Variants in NELL1 observed in about 807,000 individuals in gnomAD.
The protein encoded by NELL1 is protein kinase C-binding protein NELL1.
In NELL1, 76 loss-of-function variants were observed where a neutral mutation model predicts 107.4. The observed-to-expected ratio is 0.71, with a 90% confidence interval of 0.59 to 0.86. The LOEUF is 0.86. Among genes scored for constraint, NELL1 ranks in the 40% least tolerant of loss-of-function variants. NELL1 has a pLI of 0.00. For missense variants in NELL1, 1,024 were observed against 1,005.5 expected (o/e 1.02, Z -0.25); for synonymous variants, 353 against 341.2 (o/e 1.03, Z -0.38).
At chr11:20,887,133 T>C (rs142516941) in intron 5 of NELL1, among the ~76,000 whole-genome samples, 2 of 152,192 alleles carry the variant, frequency 1.3e-5, no homozygotes, top group Non-Finnish European at 2.9e-5. Context: ...AGTTTCTATG[T>C]TGAGATTCAC....
intron 5 of NELL1, among the ~76,000 whole-genome samples, chr11:20,915,717 A>ATATATATATATATATATATATATATTTT: frequency 3.4e-5 from 2 of 58,218 alleles, no homozygotes; most frequent in African/African-American, 1.8e-4. Context: ...ATATATATAT[A>ATATATATATATATATATATATATATTTT]TTTTTTTTTT....
At chr11:21,079,804 G>A (rs963399161) in intron 12 of NELL1, among the ~76,000 whole-genome samples, 1 of 151,966 alleles carries the variant, frequency 6.6e-6, no homozygotes, top group Non-Finnish European at 1.5e-5. Flanking sequence ...TAGAACAGAA[G>A]GTAAGTTATT....
At chr11:21,071,583 C>T (rs538108592) in intron 12 of NELL1, among the ~76,000 whole-genome samples, 1 of 152,288 alleles carries the variant, frequency 6.6e-6, no homozygotes, top group Non-Finnish European at 1.5e-5. Context: ...TTCATATCAT[C>T]AGTGTAGCTT....
intron 15 of NELL1, among the ~76,000 whole-genome samples, chr11:21,456,208 G>A (rs548113050): frequency 6.6e-6 from 1 of 151,912 alleles, no homozygotes; most frequent in Non-Finnish European, 1.5e-5. Context: ...TCTTTTGCTT[G>A]GGACTCAAAT....
chr11:21,010,286 T>C (rs1459463357), intron 12 of NELL1, among the ~76,000 whole-genome samples: 1 of 152,120 alleles, frequency 6.6e-6, no homozygotes, highest in Non-Finnish European at 1.5e-5. Context: ...GTGCTTGTAT[T>C]GCTATATTTT....
chr11:21,073,332 GT>G (rs1474331048), intron 12 of NELL1, among the ~76,000 whole-genome samples: 3 of 152,128 alleles, frequency 2.0e-5, no homozygotes, highest in African/African-American at 7.2e-5. Flanking sequence ...GCTTGGGTCA[GT>G]TTGCTGAATG....
intron 9 of NELL1, among the ~76,000 whole-genome samples, chr11:20,932,993 C>T (rs1850649639): frequency 6.6e-6 from 1 of 152,150 alleles, no homozygotes; most frequent in African/African-American, 2.4e-5. Flanking sequence ...TCCAAGTGTA[C>T]AAAGTAGGTA....
intron 3 of NELL1, among the ~76,000 whole-genome samples, chr11:20,846,200 T>C (rs1848698789): frequency 6.6e-6 from 1 of 152,138 alleles, no homozygotes; most frequent in Non-Finnish European, 1.5e-5. Context: ...CTGGTGCAAA[T>C]GAGGTGGGTC....
chr11:20,923,413 A>G (rs555803093), intron 7 of NELL1, among the ~76,000 whole-genome samples: 12 of 152,284 alleles, frequency 7.9e-5, no homozygotes, highest in African/African-American at 2.4e-4. Context: ...TGGCAAAACT[A>G]TACTTTTTTT....
chr11:21,546,455 G>T (rs1290410791), intron 16 of NELL1, among the ~76,000 whole-genome samples: 6 of 151,960 alleles, frequency 3.9e-5, no homozygotes, highest in Non-Finnish European at 5.9e-5. Flanking sequence ...ATTTTGAATT[G>T]TAGCTTCAAT....
chr11:20,884,558 G>T, intron 4 of NELL1, among the ~76,000 whole-genome samples: 1 of 152,090 alleles, frequency 6.6e-6, no homozygotes. Context: ...GTGGTTGCAG[G>T]GACTATTTCT....
chr11:20,744,545 G>C (rs10833386), intron 2 of NELL1, among the ~76,000 whole-genome samples: 31,086 of 152,110 alleles, frequency 0.2, 4,082 homozygotes, highest in Middle Eastern at 0.4. Flanking sequence ...TTAAGTTGTT[G>C]GGCTTGGCTC....
chr11:21,229,790 T>C (rs1857995342), intron 14 of NELL1, among the ~76,000 whole-genome samples: 1 of 152,206 alleles, frequency 6.6e-6, no homozygotes, highest in Admixed American at 6.5e-5. Flanking sequence ...CAAGGGCAAG[T>C]GGACACTGTT....
At chr11:20,699,868 A>C (rs1293898652) in intron 2 of NELL1, among the ~76,000 whole-genome samples, 1 of 152,154 alleles carries the variant, frequency 6.6e-6, no homozygotes, top group African/African-American at 2.4e-5. Flanking sequence ...TGTTTTCCAT[A>C]GTGGTTGTAC....
chr11:20,959,217 T>C (rs192585349), intron 11 of NELL1, among the ~76,000 whole-genome samples: 1 of 152,274 alleles, frequency 6.6e-6, no homozygotes, highest in East Asian at 1.9e-4. Flanking sequence ...TCACTGCTGG[T>C]GGGAATGTAA....
At chr11:21,388,284 C>T (rs1339063079) in intron 15 of NELL1, among the ~76,000 whole-genome samples, 1 of 151,718 alleles carries the variant, frequency 6.6e-6, no homozygotes, top group Non-Finnish European at 1.5e-5. Context: ...TTTTTTGCCA[C>T]TCACCATGTG....
chr11:20,775,256 A>G (rs1267777224), intron 2 of NELL1, among the ~76,000 whole-genome samples: 1 of 152,216 alleles, frequency 6.6e-6, no homozygotes, highest in East Asian at 1.9e-4. Flanking sequence ...AATAAATTTT[A>G]TGTTACCATA....
At chr11:21,087,684 C>T (rs866440199) in intron 12 of NELL1, among the ~76,000 whole-genome samples, 4 of 152,114 alleles carry the variant, frequency 2.6e-5, no homozygotes, top group East Asian at 3.8e-4. Context: ...TGAGTCCAGG[C>T]GAATTGTTTC....
chr11:21,193,065 T>C (rs1565103977), intron 13 of NELL1, among the ~76,000 whole-genome samples: 1 of 151,830 alleles, frequency 6.6e-6, no homozygotes, highest in Non-Finnish European at 1.5e-5. Context: ...ACAGTTTACT[T>C]TTTGTTATTT....
Sources: gnomAD v4.1 joint callset for allele counts (sites outside exome capture counted in the v4.1 genomes callset) on GRCh38, gnomAD v4.1.1 for gene constraint, MANE v1.5 for transcripts, NCBI Gene and HGNC (gene_info 2026-07-23, HGNC 2026-07-21) for gene names.